Variants in FAM131B observed in about 807,000 individuals in gnomAD.
FAM131B encodes the protein family with sequence similarity 131 member B, also known as protein FAM131B.
FAM131B carries 19 observed loss-of-function variants against 42.0 expected under a neutral mutation model. The observed-to-expected ratio is 0.45, with a 90% CI of 0.32 to 0.66. FAM131B has a LOEUF of 0.66. FAM131B is among the 30% of genes least tolerant of loss of function. The pLI is 0.05. For missense variants in FAM131B, 370 were observed against 468.4 expected (o/e 0.79, Z 1.94); for synonymous variants, 183 against 177.6 (o/e 1.03, Z -0.24).
At position 143,356,952 on chromosome 7, in the gene FAM131B, C is replaced by T. The variant is rs201804062; in HGVS notation, c.681G>A (p.Gly227=). 3.1e-6 allele frequency: 5 copies of T among 1,614,046 alleles called. No homozygotes were observed. The East Asian group carries it at 1.1e-4, about 36-fold the overall frequency. ...CGCTGGCTTCCCAGGCATCTGACGA[C>T]CCCAGACAGTACATACCCTGGGACA... ...SYVSQGMYCL[G]SSDAWEASDQ... Residue 227 remains glycine (G), a synonymous_variant, in exon 7 of 7, where the codon GGG becomes GGA. Transcript: ENST00000443739. This position sits in a 1 kb window ranked among gnomAD's most constrained non-coding sequence, Gnocchi z 4.4.
Position 143,359,248 on chromosome 7 carries a change from C to G in FAM131B, c.268+78G>C, listed in dbSNP as rs112603309. On this transcript the variant is annotated intron_variant, in intron 4 of 6. Transcript: ENST00000443739. The surrounding 1 kb of genome is among the most constrained non-coding windows in gnomAD (Gnocchi z 5.4). The stretch of plus-strand genomic sequence containing the variant: ...TGGGGATGAGGGTCTTCATCAACCT[C>G]GAAGGAGCAGGGAGACTGAGCCAAG... 272 of 1,238,556 alleles carry G rather than the reference C, an allele frequency of 2.2e-4. 2 individuals carry two copies. The African/African-American group carries it at 3.2e-3, about 15-fold the overall frequency. The allele number at this position is 1,238,556 out of a possible 1,614,324, so 76.7% of individuals were successfully genotyped here. A position where few individuals can be genotyped will look rare whatever the true frequency, so the allele number is the denominator to read the frequency against.
the FAM131B span, among the ~76,000 whole-genome samples, chr7:143,371,529 G>A: frequency 2.0e-5 from 3 of 146,898 alleles, no homozygotes; most frequent in East Asian, 2.0e-4. Flanking sequence ...TGAGAGGATT[G>A]CTTGGGCCTG....
In FAM131B at chr7:143,356,851, T is replaced by A; in HGVS notation, c.782A>T (p.His261Leu). ...PAFDDSQPSLHEMGPSQPASG... is the reference protein window; with the variant it reads ...PAFDDSQPSLLEMGPSQPASG... The stretch of plus-strand genomic sequence containing the variant: ...AGCTGGTTGGGAAGGTCCCATTTCA[T>A]GCAAGCTGGGTTGTGAGTCATCAAA... The change falls in exon 7 of 7, where the codon CAT becomes CTT. Residue 261 changes from histidine to leucine, a missense_variant. Transcript: ENST00000443739. This position sits in a 1 kb window ranked among gnomAD's most constrained non-coding sequence, Gnocchi z 4.4. The A allele has an allele frequency of 3.7e-6, 6 of 1,614,088 alleles. No individual in the cohort carries two copies. Among genetic ancestry groups the A allele is most frequent in the Non-Finnish European group, 5.1e-6 (6 of 1,180,008 alleles).
At chr7:143,376,344 C>T in the FAM131B span, among the ~76,000 whole-genome samples, 6 of 152,092 alleles carry the variant, frequency 3.9e-5, no homozygotes, top group Non-Finnish European at 7.3e-5. Flanking sequence ...TTCTTGAGGG[C>T]AAGAACTGAG....
the FAM131B span, among the ~76,000 whole-genome samples, chr7:143,377,778 A>G: frequency 2.0e-5 from 3 of 152,062 alleles, no homozygotes; most frequent in African/African-American, 7.2e-5. Flanking sequence ...CAGTGGTGCG[A>G]TTTTGGCTCA....
chr7:143,357,547 T>C (rs1033882256), intron 5 of FAM131B, 124 bp from the exon 6 acceptor site: 3 of 685,698 alleles, frequency 4.4e-6, no homozygotes, highest in Non-Finnish European at 6.4e-6. Flanking sequence ...CTTATATCAT[T>C]TTAAATTTTC....
the FAM131B span, chr7:143,381,589 G>A: frequency 1.2e-6 from 2 of 1,610,750 alleles, no homozygotes; most frequent in Non-Finnish European, 1.7e-6. Flanking sequence ...CCCCCCGCCC[G>A]TCTCCCGCGA....
rs1328845719 is a variant in FAM131B at position 143,356,158 on chromosome 7, CAG to C, written c.*390_*391del. On this transcript the variant is annotated 3_prime_UTR_variant, in exon 7 of 7. Transcript: ENST00000443739. The surrounding 1 kb of genome is among the most constrained non-coding windows in gnomAD (Gnocchi z 4.4). ...ATGGAGAAAGGAGGCATTCAGACAG[CAG>C]AGTTACAGCTCCTGGAAGACGAAAT... is the stretch of plus-strand genomic sequence containing the variant. The C allele has an allele frequency of 4.7e-6, 1 of 214,772 alleles. No homozygotes were observed. The highest frequency in any genetic ancestry group is 2.3e-5 in the African/African-American group (1 of 43,332). The allele number at this position is 214,772 out of a possible 1,614,324, so 13.3% of individuals were successfully genotyped here.
At chr7:143,376,048 C>T in the FAM131B span, among the ~76,000 whole-genome samples, 1 of 152,212 alleles carries the variant, frequency 6.6e-6, no homozygotes, top group Non-Finnish European at 1.5e-5. Flanking sequence ...CCATCTGGCC[C>T]AGCCCTTGGG....
intron 5 of FAM131B, among the ~76,000 whole-genome samples, chr7:143,357,796 G>A (rs1167819530): frequency 6.6e-6 from 1 of 152,130 alleles, no homozygotes; most frequent in Non-Finnish European, 1.5e-5. Context: ...AACCACATGA[G>A]GCCAGTGGCT....
the FAM131B span, among the ~76,000 whole-genome samples, chr7:143,377,884 T>A: frequency 6.6e-6 from 1 of 152,072 alleles, no homozygotes; most frequent in Non-Finnish European, 1.5e-5. Context: ...CAGCTAATTT[T>A]TGTATTTTTA....
the FAM131B span, among the ~76,000 whole-genome samples, chr7:143,371,613 CAAAAAAAA>C: frequency 1.9e-4 from 14 of 75,022 alleles, no homozygotes; most frequent in African/African-American, 6.0e-4. Flanking sequence ...GACCCTGTCT[CAAAAAAAA>C]AAAAAAAAAA....
chr7:143,357,038 T>C lies in FAM131B; in HGVS notation c.611-16A>G, dbSNP rs778854035. 3.2e-6 allele frequency: 5 copies of C among 1,562,906 alleles called. No individual in the cohort carries two copies. Among genetic ancestry groups the C allele is most frequent in the Admixed American group, 3.4e-5 (2 of 59,612 alleles). On this transcript the variant is annotated splice_polypyrimidine_tract_variant and intron_variant, in intron 6 of 6. Transcript: ENST00000443739. ...GCCAGGGCATCTGGAAAAAGAATCA[T>C]GGAGGTCAGTGGGGCCACAGAATGT...
At chr7:143,371,083 A>G in the FAM131B span, among the ~76,000 whole-genome samples, 1 of 151,718 alleles carries the variant, frequency 6.6e-6, no homozygotes, top group Non-Finnish European at 1.5e-5. Flanking sequence ...AGTTTTTTCC[A>G]TTATTCATTC....
upstream of FAM131B, among the ~76,000 whole-genome samples, chr7:143,365,875 T>C (rs1202995440): frequency 6.6e-6 from 1 of 152,038 alleles, no homozygotes; most frequent in African/African-American, 2.4e-5. Context: ...TCCCAAAAGG[T>C]TAGGATTACA....
At chr7:143,378,289 C>G in the FAM131B span, among the ~76,000 whole-genome samples, 1 of 152,156 alleles carries the variant, frequency 6.6e-6, no homozygotes, top group Admixed American at 6.5e-5. Context: ...CCTGACTGCT[C>G]TTAACTTCCT....
Position 143,358,771 on chromosome 7 carries a change from G to T in FAM131B, c.466+56C>A. 1 of 1,423,916 alleles carries T rather than the reference G, an allele frequency of 7.0e-7. No homozygotes were observed. Among genetic ancestry groups the T allele is most frequent in the South Asian group, 1.2e-5 (1 of 84,492 alleles). The allele number at this position is 1,423,916 out of a possible 1,614,324, so 88.2% of individuals were successfully genotyped here. ...CCTGCCACAGGGGATCAGGTTGGAG[G>T]GTCGGTCCCTGGCCATCCTGCAAAT... On this transcript the variant is annotated intron_variant, in intron 5 of 6. Coordinates refer to ENST00000443739, the MANE Select transcript of FAM131B (RefSeq NM_001031690.3). The surrounding 1 kb of genome is among the most constrained non-coding windows in gnomAD (Gnocchi z 4.7).
chr7:143,371,763 GGGGT>G, the FAM131B span, among the ~76,000 whole-genome samples: 1 of 152,150 alleles, frequency 6.6e-6, no homozygotes, highest in Non-Finnish European at 1.5e-5. Context: ...TGGAGATAAT[GGGGT>G]GATCCATACA....
the FAM131B span, among the ~76,000 whole-genome samples, chr7:143,369,440 CGAG>C: frequency 6.6e-6 from 1 of 152,026 alleles, no homozygotes; most frequent in Non-Finnish European, 1.5e-5. Flanking sequence ...TTTGGGAGGC[CGAG>C]GAGGGTGAAT....
Sources: allele counts gnomAD v4.1 joint callset (sites outside exome capture counted in the v4.1 genomes callset), GRCh38; gene constraint gnomAD v4.1.1; non-coding constraint Gnocchi (gnomAD v3.1); transcripts MANE v1.5; gene names NCBI Gene and HGNC (gene_info 2026-07-23, HGNC 2026-07-21).